The following DLGAP2 variants were observed in gnomAD, a reference collection of about 807,000 sequenced individuals.
DLGAP2 encodes DLG associated protein 2, also known as disks large-associated protein 2.
DLGAP2 carries 26 observed loss-of-function variants against 100.3 expected under a neutral mutation model. The observed-to-expected ratio is 0.26, with a 90% CI of 0.19 to 0.36. The LOEUF is 0.36. Among genes scored for constraint, DLGAP2 ranks in the 10% least tolerant of loss-of-function variants. DLGAP2 has a pLI of 1.00. For synonymous variants in DLGAP2, 886 were observed against 630.1 expected, an observed-to-expected ratio of 1.41 and a Z score of -6.08; for missense variants, 1,858 against 1,453.2, an observed-to-expected ratio of 1.28 and a Z score of -4.53.
intron 1 of DLGAP2, among the ~76,000 whole-genome samples, chr8:805,573 T>C (rs1039549008): frequency 2.0e-5 from 3 of 152,202 alleles, no homozygotes; most frequent in Admixed American, 6.5e-5. Context: ...CCAGACCACC[T>C]GTAGTTTCTA....
Position 1,704,634 on chromosome 8 carries a change from C to A in DLGAP2, c.*3228C>A, listed in dbSNP as rs550805769. On this transcript the variant is annotated 3_prime_UTR_variant, in exon 15 of 15. Transcript: ENST00000637795. ...AAAAAAATTGAACTGTTTATGATAC[C>A]AAAAAAATTACAGTTTTGTTTAAAA... 1 of 152,020 alleles carries A rather than the reference C, an allele frequency of 6.6e-6. No homozygotes were observed. Among genetic ancestry groups the A allele is most frequent in the African/African-American group, 2.4e-5 (1 of 41,480 alleles). 9.4% of individuals were successfully genotyped at this position (152,020 alleles called of 1,614,324 possible). A position where few individuals can be genotyped will look rare whatever the true frequency, so the allele number is the denominator to read the frequency against.
intron 2 of DLGAP2, among the ~76,000 whole-genome samples, chr8:1,003,650 C>G (rs1801024666): frequency 6.6e-6 from 1 of 152,178 alleles, no homozygotes; most frequent in Admixed American, 6.5e-5. Flanking sequence ...GGCTGAGCAT[C>G]TGGAGATTTG....
At chr8:1,067,287 C>G (rs1162078548) in intron 2 of DLGAP2, among the ~76,000 whole-genome samples, 2 of 152,224 alleles carry the variant, frequency 1.3e-5, no homozygotes, top group Non-Finnish European at 2.9e-5. Flanking sequence ...AGGGTATGCT[C>G]TGGTCAGGAG....
At chr8:1,234,744 C>T (rs932458273) in intron 2 of DLGAP2, among the ~76,000 whole-genome samples, 5 of 152,182 alleles carry the variant, frequency 3.3e-5, no homozygotes, top group Admixed American at 3.3e-4. Flanking sequence ...TTTCTGGGAA[C>T]TCATAGGTGG....
chr8:1,278,214 C>G (rs1042261327), intron 3 of DLGAP2, among the ~76,000 whole-genome samples: 1 of 152,220 alleles, frequency 6.6e-6, no homozygotes, highest in Non-Finnish European at 1.5e-5. Flanking sequence ...GGACAAGCCA[C>G]TCACTCCCTT....
intron 3 of DLGAP2, among the ~76,000 whole-genome samples, chr8:1,462,848 C>A (rs1363679321): frequency 6.6e-6 from 1 of 152,234 alleles, no homozygotes; most frequent in Non-Finnish European, 1.5e-5. Flanking sequence ...TTTCTAGGAT[C>A]TATTTTATCT....
intron 2 of DLGAP2, among the ~76,000 whole-genome samples, chr8:1,138,577 A>C (rs577845515): frequency 6.6e-6 from 1 of 152,362 alleles, no homozygotes; most frequent in South Asian, 2.1e-4. Flanking sequence ...ACGAGAAGAC[A>C]CTGAGAAGTT....
chr8:928,610 G>T (rs1427163322), intron 2 of DLGAP2, among the ~76,000 whole-genome samples: 1 of 151,926 alleles, frequency 6.6e-6, no homozygotes, highest in South Asian at 2.1e-4. Flanking sequence ...TTTTGATTTA[G>T]AGGAATAAAA....
intron 2 of DLGAP2, among the ~76,000 whole-genome samples, chr8:1,208,932 A>C (rs1464958936): frequency 6.6e-6 from 1 of 151,964 alleles, no homozygotes; most frequent in African/African-American, 2.4e-5. Context: ...AATATACCTA[A>C]CCAAGGATGT....
chr8:900,520 G>T (rs925143144), intron 1 of DLGAP2, among the ~76,000 whole-genome samples: 5 of 152,220 alleles, frequency 3.3e-5, no homozygotes, highest in African/African-American at 1.2e-4. Flanking sequence ...GTCTCCCCTT[G>T]CAGCAAATAT....
intron 3 of DLGAP2, among the ~76,000 whole-genome samples, chr8:1,362,394 C>A (rs746408334): frequency 7.5e-6 from 1 of 132,966 alleles, no homozygotes; most frequent in Non-Finnish European, 1.6e-5. Context: ...TTCCCATGTC[C>A]CATGCGGACA....
In DLGAP2 at chr8:1,708,244, T is replaced by C. The variant is rs1427431275; in HGVS notation, c.*6838T>C. The stretch of plus-strand genomic sequence containing the variant: ...AGAAAAGTAATGTTTACTTTTTTAT[T>C]GGAGTGAATTCTCGTGTTATTTTAA... On this transcript the variant is annotated 3_prime_UTR_variant, in exon 15 of 15. Coordinates refer to ENST00000637795, the MANE Select transcript of DLGAP2 (RefSeq NM_001346810.2). The C allele has an allele frequency of 2.6e-5, 4 of 152,212 alleles. No homozygotes were observed. The highest frequency in any genetic ancestry group is 9.7e-5 in the African/African-American group (4 of 41,450). The allele number at this position is 152,212 out of a possible 1,614,324, so 9.4% of individuals were successfully genotyped here. A position where few individuals can be genotyped will look rare whatever the true frequency, so the allele number is the denominator to read the frequency against.
chr8:1,008,901 C>T (rs1333360013), intron 2 of DLGAP2, among the ~76,000 whole-genome samples: 1 of 152,242 alleles, frequency 6.6e-6, no homozygotes, highest in Non-Finnish European at 1.5e-5. Flanking sequence ...CCCCTTCTGA[C>T]ACCCAGATGC....
At chr8:1,455,507 T>C (rs894075665) in intron 3 of DLGAP2, among the ~76,000 whole-genome samples, 3 of 152,192 alleles carry the variant, frequency 2.0e-5, no homozygotes, top group African/African-American at 7.2e-5. Flanking sequence ...CCTTCACGCC[T>C]GAGCAGGGCT....
intron 1 of DLGAP2, among the ~76,000 whole-genome samples, chr8:774,104 A>G (rs1183587856): frequency 2.0e-5 from 3 of 152,230 alleles, no homozygotes; most frequent in East Asian, 1.9e-4. Context: ...GCCAGTGACG[A>G]TGAGCATTTT....
At chr8:1,297,203 C>G (rs1205283448) in intron 3 of DLGAP2, 1 of 152,160 alleles carries the variant, frequency 6.6e-6, no homozygotes, top group African/African-American at 2.4e-5. Context: ...ACATGGACCT[C>G]CAGGTAGTGA....
chr8:1,450,878 C>G (rs1262035039), intron 3 of DLGAP2, among the ~76,000 whole-genome samples: 2 of 152,000 alleles, frequency 1.3e-5, no homozygotes, highest in South Asian at 2.1e-4. Context: ...AAAGAGACAC[C>G]GTAATAAACA....
chr8:952,220 A>G (rs1799498557), intron 2 of DLGAP2, among the ~76,000 whole-genome samples: 1 of 152,062 alleles, frequency 6.6e-6, no homozygotes, highest in Non-Finnish European at 1.5e-5. Context: ...GTGACCCCAT[A>G]TTTCCCAGTA....
chr8:1,267,473 C>T (rs1318140305), intron 3 of DLGAP2, among the ~76,000 whole-genome samples: 1 of 148,942 alleles, frequency 6.7e-6, no homozygotes, highest in Non-Finnish European at 1.5e-5. Context: ...GGCTGAGAAT[C>T]GCTTGAACCC....
Sources: gnomAD v4.1 joint callset for allele counts (sites outside exome capture counted in the v4.1 genomes callset) on GRCh38, gnomAD v4.1.1 for gene constraint, MANE v1.5 for transcripts, NCBI Gene and HGNC (gene_info 2026-07-23, HGNC 2026-07-21) for gene names.